Variants in ITGB5 observed in about 807,000 individuals in gnomAD.
ITGB5 encodes the protein integrin subunit beta 5.
Under a neutral mutation model 84.8 loss-of-function variants are expected in ITGB5, and 38 were observed. That is an observed-to-expected ratio of 0.45 (90% confidence interval 0.35 to 0.59). ITGB5 has a LOEUF of 0.59. Ranked by LOEUF, ITGB5 falls within the 20% of genes least tolerant of loss-of-function variation. ITGB5 has a pLI of 0.01. For missense variants in ITGB5, 905 were observed against 1,034.5 expected (o/e 0.87, Z 1.72); for synonymous variants, 393 against 414.4 (o/e 0.95, Z 0.63).
chr3:124,863,865 CA>C (rs1177534929), intron 2 of ITGB5, among the ~76,000 whole-genome samples: 1 of 150,876 alleles, frequency 6.6e-6, no homozygotes, highest in East Asian at 2.0e-4. Flanking sequence ...GAGAGAAAAC[CA>C]AAATGACAGA....
chr3:124,766,447 T>TG (rs557330180), intron 12 of ITGB5, 102 bp from the exon 13 acceptor site: 77 of 1,381,398 alleles, frequency 5.6e-5, no homozygotes, highest in African/African-American at 2.6e-4. Flanking sequence ...GGAAAGGGCA[T>TG]GGGGGGTGTG....
chr3:124,849,664 C>T (rs566728053), intron 3 of ITGB5, among the ~76,000 whole-genome samples: 21 of 152,112 alleles, frequency 1.4e-4, no homozygotes, highest in African/African-American at 5.1e-4. Context: ...AGATAGCCAA[C>T]AGGCAGAGAA....
At chr3:124,849,659 G>A (rs2065126113) in intron 3 of ITGB5, among the ~76,000 whole-genome samples, 1 of 152,052 alleles carries the variant, frequency 6.6e-6, no homozygotes, top group Non-Finnish European at 1.5e-5. Context: ...CAATAAGATA[G>A]CCAACAGGCA....
At chr3:124,876,662 C>G (rs1441255666) in intron 1 of ITGB5, among the ~76,000 whole-genome samples, 2 of 152,182 alleles carry the variant, frequency 1.3e-5, no homozygotes, top group Non-Finnish European at 2.9e-5. Context: ...GCTTTGAGAA[C>G]CCACAGGGGG....
At chr3:124,845,188 T>C (rs2065061090) in intron 4 of ITGB5, among the ~76,000 whole-genome samples, 1 of 152,216 alleles carries the variant, frequency 6.6e-6, no homozygotes, top group Non-Finnish European at 1.5e-5. Flanking sequence ...ATCTCAGCAC[T>C]TTGGGAAGCT....
chr3:124,772,504 TCA>T (rs1415174390), intron 11 of ITGB5, among the ~76,000 whole-genome samples: 1 of 152,160 alleles, frequency 6.6e-6, no homozygotes, highest in African/African-American at 2.4e-5. Flanking sequence ...CAAGAGAAAA[TCA>T]CAGATGCGTT....
At chr3:124,804,175 C>G (rs1330384886) in intron 9 of ITGB5, among the ~76,000 whole-genome samples, 3 of 152,174 alleles carry the variant, frequency 2.0e-5, no homozygotes, top group Non-Finnish European at 4.4e-5. Flanking sequence ...GTTCCTTTGA[C>G]CTTTCTAGCT....
intron 10 of ITGB5, among the ~76,000 whole-genome samples, chr3:124,782,225 A>G (rs702036): frequency 0.46 from 70,390 of 152,090 alleles, 17,693 homozygotes; most frequent in African/African-American, 0.65. Context: ...TTACAGATAT[A>G]GAAATGAGGC....
At chr3:124,767,156 G>A (rs1274733690) in intron 12 of ITGB5, among the ~76,000 whole-genome samples, 1 of 152,260 alleles carries the variant, frequency 6.6e-6, no homozygotes, top group Non-Finnish European at 1.5e-5. Context: ...GGCAAGGGGT[G>A]AGGAAATGCA....
At chr3:124,828,253 G>T (rs1366752501) in intron 5 of ITGB5, among the ~76,000 whole-genome samples, 1 of 152,182 alleles carries the variant, frequency 6.6e-6, no homozygotes, top group Non-Finnish European at 1.5e-5. Flanking sequence ...ATTTACAGCA[G>T]CTCTCTCATA....
upstream of ITGB5, among the ~76,000 whole-genome samples, chr3:124,890,399 G>T (rs1335130082): frequency 6.6e-6 from 1 of 151,614 alleles, no homozygotes; most frequent in Admixed American, 6.6e-5. Context: ...TAGAGGCGGG[G>T]TTTCACCATG....
At chr3:124,815,169 G>A (rs553814162) in intron 8 of ITGB5, among the ~76,000 whole-genome samples, 8 of 152,346 alleles carry the variant, frequency 5.3e-5, no homozygotes, top group East Asian at 1.9e-4. Context: ...GGTTTTCAGC[G>A]GTCCCAGCAG....
chr3:124,899,757 A>G (rs1935181126), intron 1 of ITGB5, among the ~76,000 whole-genome samples: 1 of 139,044 alleles, frequency 7.2e-6, no homozygotes, highest in African/African-American at 2.6e-5. Flanking sequence ...AGGAGGCTGA[A>G]GTGGGAGGGT....
chr3:124,842,012 C>T (rs569766192), intron 4 of ITGB5, among the ~76,000 whole-genome samples: 11 of 152,278 alleles, frequency 7.2e-5, no homozygotes, highest in South Asian at 2.1e-4. Flanking sequence ...GTTGCTGCCA[C>T]GCAACAAAGG....
intron 4 of ITGB5, among the ~76,000 whole-genome samples, chr3:124,846,380 A>T (rs2065078036): frequency 6.6e-6 from 1 of 151,164 alleles, no homozygotes. Flanking sequence ...CTGCATGGAG[A>T]GCTGCCAAGG....
chr3:124,864,252 G>A (rs1329248152), intron 2 of ITGB5, among the ~76,000 whole-genome samples: 1 of 151,372 alleles, frequency 6.6e-6, no homozygotes, highest in African/African-American at 2.4e-5. Context: ...GACTACAGGT[G>A]CCCGCCACCA....
intron 1 of ITGB5, among the ~76,000 whole-genome samples, chr3:124,896,067 A>G (rs1228245589): frequency 1.3e-5 from 2 of 152,180 alleles, no homozygotes; most frequent in Admixed American, 6.5e-5. Context: ...CAAAAAAGCA[A>G]TGTGCTTGCA....
At chr3:124,818,671 G>A (rs765082940) in intron 7 of ITGB5, among the ~76,000 whole-genome samples, 8 of 151,746 alleles carry the variant, frequency 5.3e-5, no homozygotes, top group Admixed American at 1.3e-4. Flanking sequence ...ACACCACCAC[G>A]CCCTGAATAG....
At chr3:124,790,539 T>G (rs537484867) in intron 10 of ITGB5, among the ~76,000 whole-genome samples, 3 of 152,334 alleles carry the variant, frequency 2.0e-5, no homozygotes, top group Non-Finnish European at 4.4e-5. Flanking sequence ...TAGACATGGT[T>G]AACAGAACTG....
Sources: gnomAD v4.1 joint callset for allele counts (sites outside exome capture counted in the v4.1 genomes callset) on GRCh38, gnomAD v4.1.1 for gene constraint, MANE v1.5 for transcripts, NCBI Gene and HGNC (gene_info 2026-07-23, HGNC 2026-07-21) for gene names.